ULK4: variants seen among roughly 807,000 people sequenced by gnomAD.
The protein encoded by ULK4 is inactive serine/threonine-protein kinase ULK4.
ULK4 carries 133 observed loss-of-function variants against 160.6 expected under a neutral mutation model. That is an observed-to-expected ratio of 0.83 (90% CI 0.72 to 0.96). ULK4 has a LOEUF of 0.96. ULK4 is among the 40% of genes least tolerant of loss of function. The probability of loss-of-function intolerance (pLI) is 0.00; values close to 1 mark genes in which losing one functional copy is unlikely to be tolerated. For synonymous variants in ULK4, 534 were observed against 539.8 expected (o/e 0.99, Z 0.15); for missense variants, 1,580 against 1,499.5 (o/e 1.05, Z -0.89).
At chr3:41,669,256 C>T (rs550648933) in intron 29 of ULK4, among the ~76,000 whole-genome samples, 17 of 152,124 alleles carry the variant, frequency 1.1e-4, no homozygotes, top group African/African-American at 4.1e-4. Flanking sequence ...TTTTAAGGGT[C>T]GGGGGGAGAG....
intron 21 of ULK4, among the ~76,000 whole-genome samples, chr3:41,760,336 T>A (rs2038946478): frequency 6.6e-6 from 1 of 152,172 alleles, no homozygotes; most frequent in Non-Finnish European, 1.5e-5. Context: ...GGTACAGGAA[T>A]CCTGGAAAAC....
chr3:41,956,813 C>T (rs991890975), intron 1 of ULK4, among the ~76,000 whole-genome samples: 1 of 152,154 alleles, frequency 6.6e-6, no homozygotes, highest in African/African-American at 2.4e-5. Flanking sequence ...TTATATATTG[C>T]TTATGGCTGC....
At chr3:41,721,255 A>ATTTTTTT (rs67078042) in intron 22 of ULK4, among the ~76,000 whole-genome samples, 6 of 45,042 alleles carry the variant, frequency 1.3e-4, no homozygotes, top group East Asian at 1.0e-3. Context: ...TTCGCTTTGA[A>ATTTTTTT]TTTTTTTTTT....
intron 31 of ULK4, among the ~76,000 whole-genome samples, chr3:41,583,098 T>C (rs928664175): frequency 1.3e-5 from 2 of 152,192 alleles, no homozygotes; most frequent in Non-Finnish European, 2.9e-5. Flanking sequence ...AGAGTACTAT[T>C]AGCTATTTTT....
At chr3:41,616,505 G>T (rs1485644500) in intron 30 of ULK4, among the ~76,000 whole-genome samples, 2 of 152,170 alleles carry the variant, frequency 1.3e-5, no homozygotes, top group Non-Finnish European at 2.9e-5. Flanking sequence ...AGCAGAAGCA[G>T]GGTGGGGCGT....
chr3:41,439,228 T>C (rs2083103681), intron 34 of ULK4, among the ~76,000 whole-genome samples: 1 of 152,222 alleles, frequency 6.6e-6, no homozygotes, highest in Non-Finnish European at 1.5e-5. Context: ...GGATTTGTGA[T>C]ATACCAAATA....
intron 32 of ULK4, among the ~76,000 whole-genome samples, chr3:41,544,883 T>G (rs2086807192): frequency 6.6e-6 from 1 of 152,178 alleles, no homozygotes; most frequent in South Asian, 2.1e-4. Flanking sequence ...ACAGTGTTTT[T>G]GAAGCTGCTA....
At chr3:41,851,406 C>T (rs1352679579) in intron 17 of ULK4, among the ~76,000 whole-genome samples, 1 of 152,166 alleles carries the variant, frequency 6.6e-6, no homozygotes, top group Non-Finnish European at 1.5e-5. Context: ...TTGAACCAGC[C>T]TTGCATCCCA....
intron 18 of ULK4, among the ~76,000 whole-genome samples, chr3:41,833,286 G>GTTTTTTTTTTT (rs767254673): frequency 1.8e-5 from 2 of 109,518 alleles, no homozygotes; most frequent in South Asian, 2.6e-4. Context: ...TTTTTTTTTT[G>GTTTTTTTTTTT]TTTTTTTTTT....
At chr3:41,367,491 G>T (rs1465316038) in intron 35 of ULK4, among the ~76,000 whole-genome samples, 1 of 152,164 alleles carries the variant, frequency 6.6e-6, no homozygotes, top group Admixed American at 6.5e-5. Context: ...ACACCTTGGG[G>T]TATATCCTGT....
intron 22 of ULK4, among the ~76,000 whole-genome samples, chr3:41,721,287 G>GTTTTTTT (rs1559507507): frequency 4.4e-5 from 3 of 68,850 alleles, no homozygotes; most frequent in Admixed American, 2.8e-4. Flanking sequence ...TTTTTTTTGG[G>GTTTTTTT]TTTTGAACCA....
chr3:41,753,170 G>A (rs1267195604), intron 22 of ULK4, among the ~76,000 whole-genome samples: 2 of 152,144 alleles, frequency 1.3e-5, no homozygotes, highest in Non-Finnish European at 2.9e-5. Flanking sequence ...AGTGAGCCAT[G>A]ATTACACCAC....
intron 34 of ULK4, among the ~76,000 whole-genome samples, chr3:41,436,355 C>A (rs1326868517): frequency 6.6e-6 from 1 of 152,118 alleles, no homozygotes; most frequent in Non-Finnish European, 1.5e-5. Context: ...TGAGGAGCAT[C>A]TATATTTTTG....
At chr3:41,251,612 A>C (rs192673287) in intron 35 of ULK4, among the ~76,000 whole-genome samples, 16 of 152,330 alleles carry the variant, frequency 1.1e-4, no homozygotes, top group Admixed American at 9.1e-4. Flanking sequence ...AAAACCCTAG[A>C]GAGTAGATGA....
chr3:41,365,817 C>CA (rs529770310), intron 35 of ULK4, among the ~76,000 whole-genome samples: 82 of 151,734 alleles, frequency 5.4e-4, no homozygotes, highest in Non-Finnish European at 1.0e-3. Context: ...AATGGAAAGA[C>CA]AACTACATCA....
At chr3:41,544,499 A>C (rs1018692081) in intron 32 of ULK4, among the ~76,000 whole-genome samples, 1 of 152,242 alleles carries the variant, frequency 6.6e-6, no homozygotes, top group South Asian at 2.1e-4. Context: ...AGCCCTATGC[A>C]TGCACACAGC....
At chr3:41,651,623 T>C (rs1426451045) in intron 30 of ULK4, among the ~76,000 whole-genome samples, 1 of 152,148 alleles carries the variant, frequency 6.6e-6, no homozygotes, top group African/African-American at 2.4e-5. Flanking sequence ...TGTTCTGAAG[T>C]TCCATGATTC....
At chr3:41,346,197 C>T (rs1443926927) in intron 35 of ULK4, among the ~76,000 whole-genome samples, 2 of 152,162 alleles carry the variant, frequency 1.3e-5, no homozygotes. Context: ...TCATGAGGTG[C>T]TCAGTAAACA....
intron 31 of ULK4, 116 bp from the exon 32 acceptor site, chr3:41,566,246 C>T (rs2087778873): frequency 4.9e-6 from 4 of 815,426 alleles, no homozygotes; most frequent in Non-Finnish European, 7.7e-6. Flanking sequence ...TAAATGATTA[C>T]CTTTTTGCAC....
Sources: allele counts gnomAD v4.1 joint callset (sites outside exome capture counted in the v4.1 genomes callset), GRCh38; gene constraint gnomAD v4.1.1; transcripts MANE v1.5; gene names NCBI Gene and HGNC (gene_info 2026-07-23, HGNC 2026-07-21).